CD163L1: variants seen among roughly 807,000 people sequenced by gnomAD.
CD163L1 encodes CD163 molecule like 1.
CD163L1 carries 124 observed loss-of-function variants against 165.4 expected under a neutral mutation model. That is an observed-to-expected ratio of 0.75 (90% CI 0.65 to 0.87). CD163L1 has a LOEUF of 0.87. CD163L1 is among the 40% of genes least tolerant of loss of function. The pLI, the probability that CD163L1 is intolerant of heterozygous loss-of-function variation, is 0.00. For missense variants in CD163L1, 1,525 were observed against 1,799.9 expected, an observed-to-expected ratio of 0.85 and a Z score of 2.76; for synonymous variants, 585 against 662.2, an observed-to-expected ratio of 0.88 and a Z score of 1.79.
At position 7,421,277 on chromosome 12, in the gene CD163L1, G is replaced by GTA. The variant is rs199954597; in HGVS notation, c.766+11137_766+11138dup. Among the ~76,000 whole-genome samples the GTA allele has an allele frequency of 2.4e-3, 272 of 111,186 alleles. 24 individuals are homozygous for GTA. Among genetic ancestry groups the GTA allele is most frequent in the African/African-American group, 3.2e-3 (86 of 26,564 alleles). The allele number at this position is 111,186 out of a possible 152,430, so 72.9% of individuals were successfully genotyped here. A position where few individuals can be genotyped will look rare whatever the true frequency, so the allele number is the denominator to read the frequency against. On this transcript the variant is annotated intron_variant, in intron 4 of 19. Transcript: ENST00000313599. ...ATATGTATATATCTTCCAAATGTGT[G>GTA]TATATATATATGTGTGTATATATGT...
intron 9 of CD163L1, among the ~76,000 whole-genome samples, chr12:7,378,051 A>G (rs1242931679): frequency 1.3e-5 from 2 of 152,088 alleles, no homozygotes; most frequent in Admixed American, 6.5e-5. Context: ...CACATACAAA[A>G]TTGGACTCAT....
At chr12:7,412,007 A>G (rs749573185) in intron 4 of CD163L1, among the ~76,000 whole-genome samples, 14 of 152,310 alleles carry the variant, frequency 9.2e-5, no homozygotes, top group African/African-American at 2.9e-4. Context: ...TCCATTCACT[A>G]TCTTTAACAA....
intron 4 of CD163L1, among the ~76,000 whole-genome samples, chr12:7,407,674 C>T (rs115655239): frequency 0.12 from 17,380 of 151,048 alleles, 1,869 homozygotes; most frequent in African/African-American, 0.28. Flanking sequence ...TATATATATA[C>T]ACACACATAT....
chr12:7,433,733 G>T, intron 2 of CD163L1, 39 bp from the exon 3 acceptor site: 2 of 1,464,316 alleles, frequency 1.4e-6, no homozygotes, highest in East Asian at 4.6e-5. Flanking sequence ...AGATGGCAAA[G>T]ATTAGAAGGC....
At chr12:7,376,077 T>C (rs1178635976) in intron 9 of CD163L1, 63 bp from the exon 10 acceptor site, 6 of 1,432,772 alleles carry the variant, frequency 4.2e-6, no homozygotes, top group Non-Finnish European at 5.6e-6. Flanking sequence ...CTGTCTCCAG[T>C]CTCCATATCT....
the CD163L1 span, among the ~76,000 whole-genome samples, chr12:7,338,263 T>C: frequency 1.3e-5 from 2 of 152,086 alleles, no homozygotes; most frequent in Non-Finnish European, 2.9e-5. Flanking sequence ...TGTATACCTA[T>C]GTAACAAACC....
Position 7,373,300 on chromosome 12 carries a change from G to A in CD163L1, c.3730+20C>T, listed in dbSNP as rs752511808. ...TTTCACAGGGCTTCAGTGACAGCTG[G>A]TGTTTAGAAAGATACCCACCTTCAC... On this transcript the variant is annotated intron_variant, in intron 14 of 19. Coordinates refer to ENST00000313599, the MANE Select transcript of CD163L1 (RefSeq NM_174941.6). 61 of 1,572,416 alleles carry A rather than the reference G, an allele frequency of 3.9e-5. No homozygotes were observed. The South Asian group carries it at 6.8e-4, about 18-fold the overall frequency.
chr12:7,439,963 C>G, intron 2 of CD163L1: 2 of 1,569,244 alleles, frequency 1.3e-6, no homozygotes, highest in East Asian at 2.3e-5. Flanking sequence ...TGCGGTCACA[C>G]TCGCTCCCTC....
At chr12:7,439,025 G>A in intron 2 of CD163L1, 1 of 1,605,734 alleles carries the variant, frequency 6.2e-7, no homozygotes, top group Non-Finnish European at 8.5e-7. Flanking sequence ...TCTGACATCG[G>A]TATCCTCCTC....
chr12:7,400,056 ATGTG>A lies in CD163L1; in HGVS notation c.1409-1476_1409-1473del, dbSNP rs1022400743. 6.6e-6 allele frequency among the ~76,000 whole-genome samples: 1 copy of A among 151,952 alleles called. No homozygotes were observed. The highest frequency in any genetic ancestry group is 1.5e-5 in the Non-Finnish European group (1 of 67,976). On this transcript the variant is annotated intron_variant, in intron 6 of 19. Transcript: ENST00000313599. This position sits in a 1 kb window ranked among gnomAD's most constrained non-coding sequence, Gnocchi z 4.1. ...AATCTTACATTCTATTCAACCTAGT[ATGTG>A]TGTGTGTGTATTTTAAAACATAACA...
rs143303315 is a variant in CD163L1, at chr12:7,398,539, C to A, written c.1454G>T (p.Cys485Phe). 18 of 1,609,580 alleles carry A rather than the reference C, an allele frequency of 1.1e-5. No homozygotes were observed. The highest frequency in any genetic ancestry group is 1.5e-5 in the Non-Finnish European group (18 of 1,177,768). Residue 485 changes from cysteine to phenylalanine, a missense_variant, in exon 7 of 20, where the codon TGT (cysteine) becomes TTT (phenylalanine). Transcript: ENST00000313599. This position sits in a 1 kb window ranked among gnomAD's most constrained non-coding sequence, Gnocchi z 4.5. ...DLRLVGAHSPCYGRLEVKYQG... is the reference protein window; with the variant it reads ...DLRLVGAHSPFYGRLEVKYQG... ...GTATTTCACCTCCAATCTCCCATAA[C>A]AGGGGCTATGAGCCCCGACAAGCCT...
At chr12:7,334,649 G>A in the CD163L1 span, among the ~76,000 whole-genome samples, 1 of 152,110 alleles carries the variant, frequency 6.6e-6, no homozygotes, top group African/African-American at 2.4e-5. Flanking sequence ...AGGGCAATCA[G>A]GCAGGAGAAG....
Position 7,439,734 on chromosome 12 carries a change from C to T in CD163L1, c.124+1420G>A, listed in dbSNP as rs907884532. 12 of 1,611,054 alleles carry T rather than the reference C, an allele frequency of 7.4e-6. No individual in the cohort carries two copies. The Middle Eastern group carries it at 9.9e-4, about 133-fold the overall frequency. On this transcript the variant is annotated intron_variant, in intron 2 of 19. Coordinates refer to ENST00000313599, the MANE Select transcript of CD163L1 (RefSeq NM_174941.6). ...TCTCGGGCTCCCAGGTATCGTCATC[C>T]GATGTATAGCCTTTCCAGCGAACTT...
chr12:7,348,335 G>T (rs1565763810), intron 4 of CD163L1, among the ~76,000 whole-genome samples: 1 of 152,174 alleles, frequency 6.6e-6, no homozygotes, highest in Non-Finnish European at 1.5e-5. Flanking sequence ...GAGAAATATA[G>T]CTAATGCACA....
At chr12:7,426,879 G>A (rs1031795682) in intron 4 of CD163L1, among the ~76,000 whole-genome samples, 1 of 152,030 alleles carries the variant, frequency 6.6e-6, no homozygotes, top group African/African-American at 2.4e-5. Context: ...TCATGTAAAT[G>A]GCAACCAAAA....
the CD163L1 span, chr12:7,324,712 A>C: frequency 6.0e-6 from 7 of 1,166,842 alleles, no homozygotes; most frequent in Admixed American, 1.6e-4. Context: ...GTTATGAAGC[A>C]TGCATTTGGC....
intron 18 of CD163L1, among the ~76,000 whole-genome samples, chr12:7,362,620 G>A (rs1428461720): frequency 1.4e-5 from 2 of 141,766 alleles, no homozygotes; most frequent in African/African-American, 2.6e-5. Context: ...TTATAATATA[G>A]TATAAATATA....
intron 8 of CD163L1, among the ~76,000 whole-genome samples, chr12:7,393,013 T>A (rs1189540899): frequency 6.6e-6 from 1 of 152,166 alleles, no homozygotes; most frequent in Admixed American, 6.5e-5. Context: ...GTTGGTACCA[T>A]TCTTTCCGAA....
chr12:7,330,465 A>C, the CD163L1 span, among the ~76,000 whole-genome samples: 22 of 152,160 alleles, frequency 1.4e-4, no homozygotes, highest in Non-Finnish European at 5.9e-5. Flanking sequence ...CAGTCCTTGA[A>C]AAAGCTTTCA....
Sources: gnomAD v4.1 joint callset for allele counts (sites outside exome capture counted in the v4.1 genomes callset) on GRCh38, gnomAD v4.1.1 for gene constraint, Gnocchi (gnomAD v3.1) non-coding constraint, MANE v1.5 for transcripts, NCBI Gene and HGNC (gene_info 2026-07-23, HGNC 2026-07-21) for gene names.